Variants in CDS2 observed in about 807,000 individuals in gnomAD.
The protein encoded by CDS2 is phosphatidate cytidylyltransferase 2.
A neutral mutation model predicts 59.0 loss-of-function variants in CDS2; 47 were observed. The observed-to-expected ratio is 0.80, with a 90% CI of 0.63 to 1.02. CDS2 has a LOEUF of 1.02. Ranked by LOEUF, CDS2 falls within the 50% of genes least tolerant of loss-of-function variation. The pLI is 0.00. For synonymous variants in CDS2, 207 were observed against 206.4 expected (o/e 1.00, Z -0.02); for missense variants, 356 against 558.9 (o/e 0.64, Z 3.66).
intron 1 of CDS2, among the ~76,000 whole-genome samples, chr20:5,155,028 T>C (rs1402558985): frequency 6.6e-6 from 1 of 152,238 alleles, no homozygotes. Context: ...ATATGTTCCA[T>C]AGGGCAAGAT....
At chr20:5,178,762 C>G in intron 4 of CDS2, 55 bp from the exon 5 acceptor site, 1 of 1,602,868 alleles carries the variant, frequency 6.2e-7, no homozygotes, top group Non-Finnish European at 8.5e-7. Flanking sequence ...TGTCTGACTG[C>G]CTTGCTGTGA....
rs770346753 is a variant in CDS2 at position 5,184,850 on chromosome 20, A to T, written c.672-8A>T. 29 of 1,610,002 alleles carry T rather than the reference A, an allele frequency of 1.8e-5. No homozygotes were observed. The South Asian group carries it at 3.0e-4, about 16-fold the overall frequency. On this transcript the variant is annotated splice_polypyrimidine_tract_variant and splice_region_variant and intron_variant, in intron 7 of 12. Coordinates refer to ENST00000460006, the MANE Select transcript of CDS2 (RefSeq NM_003818.4). The surrounding 1 kb of genome is among the most constrained non-coding windows in gnomAD (Gnocchi z 4.3). Reference sequence around the variant, plus strand: ...CTTGAGTTGATCCTTACTTTGGTTCATTTCTAGGTTCATTGTCCCCATATC... The same window carrying T: ...CTTGAGTTGATCCTTACTTTGGTTCTTTTCTAGGTTCATTGTCCCCATATC...
Position 5,196,752 on chromosome 20 carries a change from C to T in CDS2, c.*6518C>T, listed in dbSNP as rs1048852516. On this transcript the variant is annotated 3_prime_UTR_variant, in exon 13 of 13. Transcript: ENST00000460006. The stretch of plus-strand genomic sequence containing the variant: ...TCTTTTAAATCCTCTGTGCACAGGG[C>T]TCTGGCCTTTAGTAAACTGTTTTTC... The T allele has an allele frequency of 6.6e-6, 1 of 152,352 alleles. No homozygotes were observed. Among genetic ancestry groups the T allele is most frequent in the Non-Finnish European group, 1.5e-5 (1 of 68,092 alleles). 9.4% of individuals were successfully genotyped at this position (152,352 alleles called of 1,614,324 possible). A position where few individuals can be genotyped will look rare whatever the true frequency, so the allele number is the denominator to read the frequency against.
intron 5 of CDS2, among the ~76,000 whole-genome samples, chr20:5,181,854 G>T (rs1047571046): frequency 3.6e-4 from 55 of 152,276 alleles, no homozygotes; most frequent in African/African-American, 1.3e-3. Flanking sequence ...CATAGAAAAG[G>T]TACTATATGG....
intron 1 of CDS2, among the ~76,000 whole-genome samples, chr20:5,136,508 G>T (rs985080636): frequency 1.4e-4 from 21 of 152,226 alleles, no homozygotes; most frequent in African/African-American, 4.8e-4. Flanking sequence ...TCCTAAATCC[G>T]AATTCCTTAC....
intron 1 of CDS2, among the ~76,000 whole-genome samples, chr20:5,135,515 C>T (rs1380166151): frequency 6.6e-6 from 1 of 152,172 alleles, no homozygotes; most frequent in African/African-American, 2.4e-5. Context: ...TTAATTTTGC[C>T]AAAGTCTCCT....
intron 5 of CDS2, 40 bp from the exon 6 acceptor site, chr20:5,182,347 A>G (rs781032343): frequency 6.4e-7 from 1 of 1,571,430 alleles, no homozygotes; most frequent in Non-Finnish European, 8.7e-7. Flanking sequence ...TAAATGCAGA[A>G]CATAATTCAT....
At chr20:5,139,018 G>A (rs1181539653) in intron 1 of CDS2, among the ~76,000 whole-genome samples, 4 of 152,082 alleles carry the variant, frequency 2.6e-5, no homozygotes, top group Non-Finnish European at 4.4e-5. Flanking sequence ...TGAAGCTATC[G>A]CAACCAAAAC....
intron 1 of CDS2, among the ~76,000 whole-genome samples, chr20:5,145,619 C>T (rs1235675586): frequency 2.0e-5 from 3 of 152,118 alleles, no homozygotes; most frequent in Non-Finnish European, 4.4e-5. Context: ...TCCATCTTAG[C>T]TCTTCAGACT....
At chr20:5,163,569 C>T (rs182770928) in intron 1 of CDS2, among the ~76,000 whole-genome samples, 55 of 152,244 alleles carry the variant, frequency 3.6e-4, no homozygotes, top group African/African-American at 1.3e-3. Flanking sequence ...CCAGTAGTTT[C>T]TTACAGTTAT....
Position 5,145,822 on chromosome 20 carries a change from GTTT to G in CDS2, c.57+18690_57+18692del, listed in dbSNP as rs11470811. ...CCAAGTTGTGTGTTTTGCTTTTTGT[GTTT>G]TTTTTTTTTTTTTTTTGAGACAAAG... On this transcript the variant is annotated intron_variant, in intron 1 of 12. Transcript: ENST00000460006. Among the ~76,000 whole-genome samples, 459 of 129,240 alleles carry G rather than the reference GTTT, an allele frequency of 3.6e-3. 6 individuals carry two copies. Among genetic ancestry groups the G allele is most frequent in the African/African-American group, 0.011 (377 of 33,526 alleles). 84.8% of individuals were successfully genotyped at this position (129,240 alleles called of 152,430 possible).
intron 1 of CDS2, among the ~76,000 whole-genome samples, chr20:5,134,768 G>C (rs868175579): frequency 2.7e-4 from 41 of 152,150 alleles, no homozygotes; most frequent in African/African-American, 9.9e-4. Context: ...TGATCTGCCT[G>C]CCTTGGCCTT....
chr20:5,150,730 C>A (rs1277377225), intron 1 of CDS2, among the ~76,000 whole-genome samples: 1 of 152,212 alleles, frequency 6.6e-6, no homozygotes, highest in African/African-American at 2.4e-5. Context: ...CGCTCCCACC[C>A]CATTTCCTCA....
rs908757124 is a variant in CDS2 at position 5,184,275 on chromosome 20, A to G, written c.672-583A>G. Among the ~76,000 whole-genome samples the G allele has an allele frequency of 2.0e-5, 3 of 152,214 alleles. No individual in the cohort carries two copies. Among genetic ancestry groups the G allele is most frequent in the Non-Finnish European group, 4.4e-5 (3 of 68,020 alleles). Reference sequence around the variant, plus strand: ...CAAGTGTGGAAACCACCTCTTTCATAGTGAGGATGACTGGATCAGCAGGGG... The same window carrying G: ...CAAGTGTGGAAACCACCTCTTTCATGGTGAGGATGACTGGATCAGCAGGGG... On this transcript the variant is annotated intron_variant, in intron 7 of 12. Transcript: ENST00000460006. The surrounding 1 kb of genome is among the most constrained non-coding windows in gnomAD (Gnocchi z 4.3).
chr20:5,169,840 T>C (rs1434420590), intron 1 of CDS2, among the ~76,000 whole-genome samples: 1 of 152,178 alleles, frequency 6.6e-6, no homozygotes, highest in Admixed American at 6.5e-5. Context: ...GGGCTACCAG[T>C]GTGAAAGAGC....
rs1296947871 is a variant in CDS2, at chr20:5,196,052, A to G, written c.*5818A>G. ...AAATTCCTAGGTCAGTTGAATAATA[A>G]CTGAACTACTGGTTTGACTGTGGAT... is the stretch of plus-strand genomic sequence containing the variant. On this transcript the variant is annotated 3_prime_UTR_variant, in exon 13 of 13. Transcript: ENST00000460006. 1 of 152,172 alleles carries G rather than the reference A, an allele frequency of 6.6e-6. No individual in the cohort carries two copies. The highest frequency in any genetic ancestry group is 1.5e-5 in the Non-Finnish European group (1 of 68,040). 9.4% of individuals were successfully genotyped at this position (152,172 alleles called of 1,614,324 possible).
chr20:5,190,341 C>CTTT lies in CDS2; in HGVS notation c.*121_*123dup. On this transcript the variant is annotated 3_prime_UTR_variant, in exon 13 of 13. Transcript: ENST00000460006. ...CAATGACGAGGCTTCAACTCACTGTCTTTTTTTTTTTTTTTTGGAGGGTAT... is the reference window on the plus strand; with the variant it reads ...CAATGACGAGGCTTCAACTCACTGTCTTTTTTTTTTTTTTTTTTTGGAGGGTAT... The CTTT allele has an allele frequency of 1.4e-4, 97 of 688,254 alleles. No homozygotes were observed. Among genetic ancestry groups the CTTT allele is most frequent in the South Asian group, 3.8e-4 (12 of 31,210 alleles). The allele number at this position is 688,254 out of a possible 1,614,324, so 42.6% of individuals were successfully genotyped here.
rs2091054160 is a variant in CDS2 at position 5,184,618 on chromosome 20, C to T, written c.672-240C>T. Among the ~76,000 whole-genome samples, 1 of 152,070 alleles carries T rather than the reference C, an allele frequency of 6.6e-6. No homozygotes were observed. Among genetic ancestry groups the T allele is most frequent in the East Asian group, 1.9e-4 (1 of 5,188 alleles). ...TTATCATGAAAAAAGGACAGATGAC[C>T]TTTTAGTTTGCAACCTCCACTTATT... On this transcript the variant is annotated intron_variant, in intron 7 of 12. Coordinates refer to ENST00000460006, the MANE Select transcript of CDS2 (RefSeq NM_003818.4). The surrounding 1 kb of genome is among the most constrained non-coding windows in gnomAD (Gnocchi z 4.3).
chr20:5,159,404 A>G (rs566055410), intron 1 of CDS2, among the ~76,000 whole-genome samples: 1 of 150,188 alleles, frequency 6.7e-6, no homozygotes, highest in African/African-American at 2.4e-5. Context: ...GCATCAAAAA[A>G]TGACTCAATG....
Sources: gnomAD v4.1 joint callset for allele counts (sites outside exome capture counted in the v4.1 genomes callset) on GRCh38, gnomAD v4.1.1 for gene constraint, Gnocchi (gnomAD v3.1) non-coding constraint, MANE v1.5 for transcripts, NCBI Gene and HGNC (gene_info 2026-07-23, HGNC 2026-07-21) for gene names.